The following TAB2 variants were observed in gnomAD, a reference collection of about 807,000 sequenced individuals.
TAB2 encodes TGF-beta activated kinase 1 (MAP3K7) binding protein 2.
TAB2 carries 3 observed loss-of-function variants against 65.0 expected under a neutral mutation model. The ratio of observed to expected loss-of-function variants is 0.05; its 90% CI spans 0.02 to 0.12. The LOEUF is 0.12. TAB2 is among the 10% of genes least tolerant of loss of function. TAB2 has a pLI of 1.00. For missense variants in TAB2, 623 were observed against 840.3 expected (o/e 0.74, Z 3.20); for synonymous variants, 298 against 285.1 (o/e 1.05, Z -0.46).
At chr6:149,290,702 A>T (rs747597049) in intron 1 of TAB2, among the ~76,000 whole-genome samples, 4 of 152,110 alleles carry the variant, frequency 2.6e-5, no homozygotes, top group Non-Finnish European at 5.9e-5. Context: ...AAAAATAGCC[A>T]GGTGGGGTAG....
At chr6:149,357,433 ACACAC>A (rs1780700167) in intron 1 of TAB2, among the ~76,000 whole-genome samples, 1 of 138,718 alleles carries the variant, frequency 7.2e-6, no homozygotes, top group Non-Finnish European at 1.6e-5. Context: ...AAAAAAAAAC[ACACAC>A]ACACACACAC....
At chr6:149,372,022 A>G (rs73613101) in intron 2 of TAB2, among the ~76,000 whole-genome samples, 1,870 of 152,304 alleles carry the variant, frequency 0.012, 35 homozygotes, top group African/African-American at 0.043. Context: ...TAAAAAACTA[A>G]CAGAAAGATA....
At chr6:149,252,485 G>T (rs529939978) in intron 1 of TAB2, among the ~76,000 whole-genome samples, 1 of 152,032 alleles carries the variant, frequency 6.6e-6, no homozygotes, top group African/African-American at 2.4e-5. Flanking sequence ...GGACGTTGTG[G>T]TTGGTGGCCT....
intron 1 of TAB2, among the ~76,000 whole-genome samples, chr6:149,339,600 T>TTTTTA: frequency 1.9e-5 from 1 of 53,902 alleles, no homozygotes; most frequent in African/African-American, 6.3e-5. Flanking sequence ...TTTATTTATT[T>TTTTTA]ATTTATTTTT....
intron 1 of TAB2, among the ~76,000 whole-genome samples, chr6:149,248,748 T>G (rs976751430): frequency 6.6e-6 from 1 of 152,198 alleles, no homozygotes; most frequent in African/African-American, 2.4e-5. Flanking sequence ...TGAAGCCCCG[T>G]GAGGCTCACC....
At chr6:149,295,457 A>G (rs553991160) in intron 1 of TAB2, among the ~76,000 whole-genome samples, 11 of 152,108 alleles carry the variant, frequency 7.2e-5, no homozygotes, top group Non-Finnish European at 1.5e-4. Context: ...TATCTCTTCA[A>G]ATACTACCTT....
rs554311098 is a variant in TAB2, at chr6:149,240,442, C to T, written c.-121+21666C>T. On this transcript the variant is annotated intron_variant, in intron 1 of 1. Transcript: ENST00000606202. ...AGTTAGCCCCTCTCTGCTGCAAACCCTTCACAATTCAACAGACAGATGCCT... is the reference window on the plus strand; with the variant it reads ...AGTTAGCCCCTCTCTGCTGCAAACCTTTCACAATTCAACAGACAGATGCCT... Among the ~76,000 whole-genome samples the T allele has an allele frequency of 2.6e-5, 4 of 152,304 alleles. No individual in the cohort carries two copies. The East Asian group carries it at 7.7e-4, about 29-fold the overall frequency.
At chr6:149,289,473 C>T (rs75912148) in intron 1 of TAB2, among the ~76,000 whole-genome samples, 23,935 of 152,006 alleles carry the variant, frequency 0.16, 2,183 homozygotes, top group East Asian at 0.38. Flanking sequence ...AAGCCAGAGA[C>T]TGTGAGTCAG....
chr6:149,265,098 G>GAAA (rs35134622), intron 1 of TAB2, among the ~76,000 whole-genome samples: 6,438 of 143,440 alleles, frequency 0.045, 195 homozygotes, highest in Middle Eastern at 0.11. Flanking sequence ...CTATGAAAAT[G>GAAA]AAAAAAAAAA....
chr6:149,248,482 AAG>A (rs564507597), intron 1 of TAB2, among the ~76,000 whole-genome samples: 133 of 133,100 alleles, frequency 1.0e-3, no homozygotes, highest in African/African-American at 1.2e-3. Flanking sequence ...GAAAGAAAGA[AAG>A]AGAGAGAGAG....
intron 1 of TAB2, among the ~76,000 whole-genome samples, chr6:149,262,023 T>C (rs1052148819): frequency 7.9e-5 from 12 of 152,166 alleles, no homozygotes; most frequent in African/African-American, 2.9e-4. Context: ...CTCAGCAAAA[T>C]CCCTACTTCT....
intron 1 of TAB2, among the ~76,000 whole-genome samples, chr6:149,226,040 T>C (rs889179212): frequency 1.3e-5 from 2 of 151,874 alleles, no homozygotes; most frequent in Non-Finnish European, 2.9e-5. Context: ...AAACAAGGGA[T>C]TAAACTGCCC....
chr6:149,287,043 G>A (rs764789306), intron 1 of TAB2, among the ~76,000 whole-genome samples: 10 of 152,136 alleles, frequency 6.6e-5, no homozygotes, highest in Non-Finnish European at 1.0e-4. Context: ...CTTGAACTCC[G>A]GAGGAAGAGT....
intron 6 of TAB2, chr6:149,400,411 C>G: frequency 6.2e-7 from 1 of 1,614,170 alleles, no homozygotes; most frequent in African/African-American, 1.3e-5. Flanking sequence ...GAAAAGCCCA[C>G]AGAAGAAGTC....
intron 1 of TAB2, chr6:149,318,757 T>TCTA (rs1401161595): frequency 6.6e-6 from 1 of 152,316 alleles, no homozygotes; most frequent in Non-Finnish European, 1.5e-5. Context: ...TCAGGCACAG[T>TCTA]CGTACACCAA....
chr6:149,223,154 A>T (rs921505362), intron 1 of TAB2, among the ~76,000 whole-genome samples: 1 of 152,246 alleles, frequency 6.6e-6, no homozygotes, highest in Admixed American at 6.5e-5. Context: ...ATCTTATTAA[A>T]TTCAAAAGGA....
intron 3 of TAB2, 145 bp downstream of exon 3, chr6:149,379,663 T>TTATA: frequency 1.4e-6 from 1 of 693,286 alleles, no homozygotes; most frequent in Non-Finnish European, 2.4e-6. Flanking sequence ...TTTGAGAGTA[T>TTATA]TATATGTATA....
At chr6:149,403,283 T>TAC (rs1165709961) in intron 6 of TAB2, among the ~76,000 whole-genome samples, 75 of 24,568 alleles carry the variant, frequency 3.1e-3, no homozygotes, top group Non-Finnish European at 4.5e-3. Context: ...TATATATATA[T>TAC]ACACACACAC....
intron 6 of TAB2, among the ~76,000 whole-genome samples, chr6:149,399,530 T>TTC (rs148412385): frequency 2.7e-5 from 4 of 149,408 alleles, no homozygotes; most frequent in East Asian, 4.0e-4. Context: ...TTAGGGAAGT[T>TTC]CCCCCCCCCC....
Sources: gnomAD v4.1 joint callset for allele counts (sites outside exome capture counted in the v4.1 genomes callset) on GRCh38, gnomAD v4.1.1 for gene constraint, MANE v1.5 for transcripts, NCBI Gene and HGNC (gene_info 2026-07-23, HGNC 2026-07-21) for gene names.